DAB1: variants seen among roughly 807,000 people sequenced by gnomAD.
The protein encoded by DAB1 is DAB adaptor protein 1, also known as disabled homolog 1.
In DAB1, 15 loss-of-function variants were observed where a neutral mutation model predicts 64.6. The observed-to-expected ratio is 0.23, with a 90% CI of 0.16 to 0.36. DAB1 has a LOEUF of 0.36. Among genes scored for constraint, DAB1 ranks in the 10% least tolerant of loss-of-function variants. The pLI is 1.00. For synonymous variants in DAB1, 235 were observed against 251.9 expected (o/e 0.93, Z 0.64); for missense variants, 596 against 706.7 (o/e 0.84, Z 1.78).
intron 5 of DAB1, among the ~76,000 whole-genome samples, chr1:58,145,555 G>A (rs1447553632): frequency 6.6e-6 from 1 of 152,186 alleles, no homozygotes; most frequent in African/African-American, 2.4e-5. Context: ...TCACATGAAG[G>A]CATATTGCTA....
chr1:57,906,552 G>T (rs1370242723), intron 5 of DAB1, among the ~76,000 whole-genome samples: 2 of 152,286 alleles, frequency 1.3e-5, no homozygotes, highest in Middle Eastern at 3.4e-3. Flanking sequence ...AAAGGCAGTT[G>T]CTATGGTGTC....
At chr1:57,887,706 T>C (rs191737909), upstream of DAB1, among the ~76,000 whole-genome samples, 15 of 152,292 alleles carry the variant, frequency 9.8e-5, no homozygotes, top group East Asian at 2.1e-3. Flanking sequence ...CAGAGCATTA[T>C]GGAGAGAAGA....
rs1236957679 is a variant in DAB1, at chr1:57,015,384, G to C, written c.943C>G (p.Pro315Ala). Residue 315 changes from proline (P) to alanine (A), a missense_variant, in exon 12 of 15, where the codon CCC becomes GCC. Pro to Ala is a conservative substitution (Grantham distance 27). Around this residue, in one of 3 missense-constraint regions of DAB1, gnomAD observed 377 missense variants for 400.4 expected, o/e 0.94. Coordinates refer to ENST00000371236, the MANE Select transcript of DAB1 (RefSeq NM_001365792.1). ...ATGACCATCTGCTGTTGGACGAGGG[G>C]CTGCTGACCCCAGAAGGACGGGAGG... ...AVLPSFWGQQPLVQQQMVMGA... is the reference protein window; with the variant it reads ...AVLPSFWGQQALVQQQMVMGA... 1 of 1,613,916 alleles carries C rather than the reference G, an allele frequency of 6.2e-7. No individual in the cohort carries two copies. Among genetic ancestry groups the C allele is most frequent in the Non-Finnish European group, 8.5e-7 (1 of 1,180,010 alleles).
At chr1:58,512,483 A>C (rs1370495916) in intron 2 of DAB1, among the ~76,000 whole-genome samples, 1 of 152,254 alleles carries the variant, frequency 6.6e-6, no homozygotes, top group Non-Finnish European at 1.5e-5. Flanking sequence ...AATAGCCAAG[A>C]TGTGGAAACA....
chr1:57,246,360 C>A (rs1426737241), intron 2 of DAB1, among the ~76,000 whole-genome samples: 1 of 152,198 alleles, frequency 6.6e-6, no homozygotes, highest in African/African-American at 2.4e-5. Flanking sequence ...ACATCTTGGG[C>A]TATTGCTTCA....
chr1:57,713,503 AG>A (rs1250648999), intron 6 of DAB1, among the ~76,000 whole-genome samples: 1 of 152,184 alleles, frequency 6.6e-6, no homozygotes, highest in East Asian at 1.9e-4. Context: ...TTCAGAAAAG[AG>A]GGGAAGATGG....
intron 1 of DAB1, among the ~76,000 whole-genome samples, chr1:57,869,221 C>A (rs2101954054): frequency 6.6e-6 from 1 of 152,146 alleles, no homozygotes; most frequent in East Asian, 1.9e-4. Flanking sequence ...CAGGTAACAA[C>A]AATTACCTGC....
intron 6 of DAB1, among the ~76,000 whole-genome samples, chr1:57,732,630 A>T (rs1018022491): frequency 6.6e-6 from 1 of 152,190 alleles, no homozygotes; most frequent in Non-Finnish European, 1.5e-5. Flanking sequence ...TTAAAAATCC[A>T]TCATCACCTG....
At chr1:57,155,056 C>T (rs1660077242) in intron 2 of DAB1, among the ~76,000 whole-genome samples, 1 of 152,140 alleles carries the variant, frequency 6.6e-6, no homozygotes, top group Non-Finnish European at 1.5e-5. Flanking sequence ...GGAAATTTTG[C>T]TTTCATTGCC....
At chr1:57,814,192 G>T (rs962519523) in intron 6 of DAB1, among the ~76,000 whole-genome samples, 11 of 152,244 alleles carry the variant, frequency 7.2e-5, no homozygotes, top group African/African-American at 2.7e-4. Flanking sequence ...TTTAGATGCA[G>T]AGCTGATCCT....
chr1:57,428,908 T>G (rs1453694969), upstream of DAB1, among the ~76,000 whole-genome samples: 1 of 147,088 alleles, frequency 6.8e-6, no homozygotes, highest in Non-Finnish European at 1.5e-5. Flanking sequence ...TTTGTTGTTG[T>G]TGTTGTTTGC....
At chr1:57,465,379 C>T (rs1161367452) in intron 7 of DAB1, among the ~76,000 whole-genome samples, 1 of 152,186 alleles carries the variant, frequency 6.6e-6, no homozygotes, top group Non-Finnish European at 1.5e-5. Context: ...TGATTTTCCA[C>T]CTTTGCCTTC....
At chr1:57,120,381 C>T (rs1164497590) in intron 4 of DAB1, among the ~76,000 whole-genome samples, 1 of 152,168 alleles carries the variant, frequency 6.6e-6, no homozygotes, top group African/African-American at 2.4e-5. Context: ...ACTGCTCCTG[C>T]TTTCAAGGGA....
chr1:57,622,924 A>G (rs1645878194), intron 7 of DAB1, among the ~76,000 whole-genome samples: 1 of 152,230 alleles, frequency 6.6e-6, no homozygotes, highest in African/African-American at 2.4e-5. Context: ...AAGGCCAGCC[A>G]GAAGTTGTGC....
chr1:57,861,942 C>T (rs994430003), intron 1 of DAB1, among the ~76,000 whole-genome samples: 1 of 152,062 alleles, frequency 6.6e-6, no homozygotes, highest in Admixed American at 6.6e-5. Flanking sequence ...CTATAACCTG[C>T]TCACATGGTT....
Position 57,083,390 on chromosome 1 carries a change from T to A in DAB1, c.307-10976A>T, listed in dbSNP as rs79984465. On this transcript the variant is annotated intron_variant, in intron 4 of 14. Transcript: ENST00000371236. ...TTTCTGTTTCGTTCTGCATGAAGAA[T>A]CCTAATAACCATTGTGGGTGTTTAG... is the stretch of plus-strand genomic sequence containing the variant. 5.6e-3 allele frequency among the ~76,000 whole-genome samples: 856 copies of A among 152,306 alleles called. 4 individuals are homozygous for A. Among genetic ancestry groups the A allele is most frequent in the Non-Finnish European group, 9.6e-3 (650 of 68,022 alleles).
At chr1:57,174,856 G>C (rs1662134645) in intron 2 of DAB1, among the ~76,000 whole-genome samples, 1 of 152,118 alleles carries the variant, frequency 6.6e-6, no homozygotes, top group South Asian at 2.1e-4. Flanking sequence ...AATTGTACTA[G>C]TTGGGATAGT....
intron 7 of DAB1, among the ~76,000 whole-genome samples, chr1:57,477,876 C>T (rs1039649731): frequency 3.9e-5 from 6 of 152,118 alleles, no homozygotes; most frequent in African/African-American, 4.8e-5. Context: ...TCCTAAAATG[C>T]AGTGCCTTTC....
chr1:57,049,532 G>A (rs1022781661), intron 9 of DAB1, among the ~76,000 whole-genome samples: 3 of 147,126 alleles, frequency 2.0e-5, no homozygotes, highest in Non-Finnish European at 4.5e-5. Context: ...ACAGGGAGGA[G>A]ACAGGGTGCT....
Sources: allele counts gnomAD v4.1 joint callset (sites outside exome capture counted in the v4.1 genomes callset), GRCh38; gene constraint gnomAD v4.1.1; regional missense constraint gnomAD v4.1.1; transcripts MANE v1.5; gene names NCBI Gene and HGNC (gene_info 2026-07-23, HGNC 2026-07-21).